PCDHGA10: variants seen among roughly 807,000 people sequenced by gnomAD.
PCDHGA10 encodes protocadherin gamma subfamily A, 10, also known as protocadherin gamma-A10.
PCDHGA10 carries 42 observed loss-of-function variants against 59.5 expected under a neutral mutation model. The ratio of observed to expected loss-of-function variants is 0.71; its 90% CI spans 0.55 to 0.91. PCDHGA10 has a LOEUF of 0.91. Ranked by LOEUF, PCDHGA10 falls within the 40% of genes least tolerant of loss-of-function variation. The pLI is 0.00. For missense variants in PCDHGA10, 1,111 were observed against 1,198.2 expected (o/e 0.93, Z 1.07); for synonymous variants, 511 against 517.2 (o/e 0.99, Z 0.16).
Position 141,485,890 on chromosome 5 carries a change from C to G in PCDHGA10, c.2437-8917C>G. 4 of 1,614,156 alleles carry G rather than the reference C, an allele frequency of 2.5e-6. No individual in the cohort carries two copies. Among genetic ancestry groups the G allele is most frequent in the Non-Finnish European group, 2.5e-6 (3 of 1,180,022 alleles). The stretch of plus-strand genomic sequence containing the variant: ...CCGTGCTGGACGTAAACGACAACGC[C>G]CCAGCCTTCCAGCAATCCAGCTACA... On this transcript the variant is annotated intron_variant, in intron 1 of 3. Coordinates refer to ENST00000398610, the MANE Select transcript of PCDHGA10 (RefSeq NM_018913.3). The surrounding 1 kb of genome is among the most constrained non-coding windows in gnomAD (Gnocchi z 5.7).
At position 141,415,455 on chromosome 5, in the gene PCDHGA10, G is replaced by A. The variant is rs571718366; in HGVS notation, c.2280G>A (p.Glu760=). ...CTTTCCTGCAGACCTATTCCCACGA[G>A]GTCTCTCTCACCGCGGACTCGCGAA... The part of the protein sequence containing the change: ...VRAFLQTYSH[E]VSLTADSRKS... The change falls in exon 1 of 4, where the codon GAG becomes GAA. Residue 760 remains glutamate, a synonymous_variant. Coordinates refer to ENST00000398610, the MANE Select transcript of PCDHGA10 (RefSeq NM_018913.3). 1.2e-6 allele frequency: 2 copies of A among 1,614,186 alleles called. No individual in the cohort carries two copies. The highest frequency in any genetic ancestry group is 1.3e-5 in the African/African-American group (1 of 75,064).
intron 1 of PCDHGA10, chr5:141,426,987 G>C (rs867397302): frequency 1.3e-5 from 6 of 456,602 alleles, no homozygotes; most frequent in African/African-American, 1.2e-4. Context: ...TGATGCCAAC[G>C]ATAATGCCCC....
intron 1 of PCDHGA10, chr5:141,419,056 T>C (rs2096318283): frequency 6.2e-7 from 1 of 1,613,836 alleles, no homozygotes; most frequent in Non-Finnish European, 8.5e-7. Context: ...CTTCTTCTAA[T>C]AATTACTACA....
intron 3 of PCDHGA10, among the ~76,000 whole-genome samples, chr5:141,506,925 A>G (rs1287267937): frequency 1.3e-5 from 2 of 152,152 alleles, no homozygotes; most frequent in African/African-American, 4.8e-5. Context: ...ATACTAAACA[A>G]ACTTTAGGGG....
At chr5:141,417,532 T>C (rs2096129143) in intron 1 of PCDHGA10, 1 of 284,726 alleles carries the variant, frequency 3.5e-6, no homozygotes, top group African/African-American at 2.2e-5. Flanking sequence ...ACTCGTAGTT[T>C]AAAAAAAATT....
At position 141,476,717 on chromosome 5, in the gene PCDHGA10, G is replaced by A. The variant is rs2099397053; in HGVS notation, c.2437-18090G>A. 6.2e-7 allele frequency: 1 copy of A among 1,614,048 alleles called. No homozygotes were observed. The stretch of plus-strand genomic sequence containing the variant: ...GTACGCGGAGCTGGTGTTGGAGCGC[G>A]CCCTGGACCGAGAACGGGAGCCTAG... On this transcript the variant is annotated intron_variant, in intron 1 of 3. Transcript: ENST00000398610. This position sits in a 1 kb window ranked among gnomAD's most constrained non-coding sequence, Gnocchi z 7.6.
Position 141,487,691 on chromosome 5 carries a change from A to T in PCDHGA10, c.2437-7116A>T. On this transcript the variant is annotated intron_variant, in intron 1 of 3. Transcript: ENST00000398610. The surrounding 1 kb of genome is among the most constrained non-coding windows in gnomAD (Gnocchi z 5.0). ...CATATGGCTAGGCCATGTCCTAGAG[A>T]GTACTGGCCTCTCAGTAAGTGCCCA... 6.2e-7 allele frequency: 1 copy of T among 1,604,122 alleles called. No individual in the cohort carries two copies. The highest frequency in any genetic ancestry group is 8.5e-7 in the Non-Finnish European group (1 of 1,174,384).
chr5:141,428,037 C>G lies in PCDHGA10; in HGVS notation c.2436+12426C>G, dbSNP rs762273592. 3.7e-6 allele frequency: 6 copies of G among 1,608,340 alleles called. No homozygotes were observed. In the African/African-American group the frequency reaches 8.0e-5, roughly 21 times the overall value. ...GCCACGCGCCGCAGAGTCCGGCTACCTGGTGACCAAGGTGGTGGCGGTGGA... is the reference window on the plus strand; with the variant it reads ...GCCACGCGCCGCAGAGTCCGGCTACGTGGTGACCAAGGTGGTGGCGGTGGA... On this transcript the variant is annotated intron_variant, in intron 1 of 3. Coordinates refer to ENST00000398610, the MANE Select transcript of PCDHGA10 (RefSeq NM_018913.3).
intron 1 of PCDHGA10, chr5:141,421,696 A>G: frequency 6.2e-7 from 1 of 1,613,886 alleles, no homozygotes; most frequent in Non-Finnish European, 8.5e-7. Context: ...TGCTCTTCCT[A>G]ATGCTAGGGA....
At chr5:141,463,034 G>A (rs2099051345) in intron 1 of PCDHGA10, among the ~76,000 whole-genome samples, 2 of 152,112 alleles carry the variant, frequency 1.3e-5, no homozygotes, top group African/African-American at 4.8e-5. Flanking sequence ...ATTAATCTGA[G>A]TGTTCAGCAG....
chr5:141,473,479 G>GA (rs150184379), intron 1 of PCDHGA10, among the ~76,000 whole-genome samples: 6,877 of 152,218 alleles, frequency 0.045, 184 homozygotes, highest in Middle Eastern at 0.088. Flanking sequence ...AAGTTCAATG[G>GA]AAAAAATATA....
At chr5:141,496,581 C>T (rs868326584) in intron 2 of PCDHGA10, among the ~76,000 whole-genome samples, 9 of 152,134 alleles carry the variant, frequency 5.9e-5, no homozygotes, top group African/African-American at 1.9e-4. Flanking sequence ...ATTTTAGGAA[C>T]GCAAAGCGCT....
chr5:141,431,440 C>T lies in PCDHGA10; in HGVS notation c.2436+15829C>T. ...ACCCGGTGCGCACAGGCACCGCGCG[C>T]ATCCGCGTGATGGTTCTGGATGCGA... is the stretch of plus-strand genomic sequence containing the variant. On this transcript the variant is annotated intron_variant, in intron 1 of 3. Transcript: ENST00000398610. The surrounding 1 kb of genome is among the most constrained non-coding windows in gnomAD (Gnocchi z 4.8). 6.2e-7 allele frequency: 1 copy of T among 1,613,754 alleles called. No homozygotes were observed.
At chr5:141,454,047 T>C (rs896373946) in intron 1 of PCDHGA10, among the ~76,000 whole-genome samples, 6 of 152,122 alleles carry the variant, frequency 3.9e-5, no homozygotes, top group African/African-American at 7.2e-5. Flanking sequence ...AAGATAAAAG[T>C]GCAGCAAAGA....
intron 1 of PCDHGA10, among the ~76,000 whole-genome samples, chr5:141,474,096 CAACAAA>C (rs1262341033): frequency 1.3e-5 from 2 of 152,078 alleles, no homozygotes; most frequent in African/African-American, 4.8e-5. Context: ...AAACAAACAA[CAACAAA>C]AACAACAACA....
intron 1 of PCDHGA10, chr5:141,471,252 T>A (rs1003162914): frequency 6.6e-6 from 1 of 151,872 alleles, no homozygotes; most frequent in Admixed American, 6.6e-5. Flanking sequence ...GGTTTCACCA[T>A]GTTGGCAAGG....
At chr5:141,474,854 T>G (rs1007461186) in intron 1 of PCDHGA10, among the ~76,000 whole-genome samples, 3 of 152,260 alleles carry the variant, frequency 2.0e-5, no homozygotes, top group African/African-American at 7.2e-5. Flanking sequence ...CCTGCCTTCT[T>G]CATTTAATAG....
chr5:141,455,860 A>ATTATTTATTTAT (rs145569377), intron 1 of PCDHGA10, among the ~76,000 whole-genome samples: 9 of 139,836 alleles, frequency 6.4e-5, no homozygotes, highest in African/African-American at 7.9e-5. Context: ...AATTTCTTTT[A>ATTATTTATTTAT]TTATTTATTT....
At chr5:141,435,112 T>A (rs906494104) in intron 1 of PCDHGA10, among the ~76,000 whole-genome samples, 1 of 152,102 alleles carries the variant, frequency 6.6e-6, no homozygotes, top group Non-Finnish European at 1.5e-5. Context: ...GGGGGAGAAA[T>A]CTAATTCAAT....
Sources: allele counts gnomAD v4.1 joint callset (sites outside exome capture counted in the v4.1 genomes callset), GRCh38; gene constraint gnomAD v4.1.1; non-coding constraint Gnocchi (gnomAD v3.1); transcripts MANE v1.5; gene names NCBI Gene and HGNC (gene_info 2026-07-23, HGNC 2026-07-21).